Variants in FOXN3 observed in about 807,000 individuals in gnomAD.
The protein encoded by FOXN3 is forkhead box N3, also known as forkhead box protein N3.
Under a neutral mutation model 38.4 loss-of-function variants are expected in FOXN3, and 7 were observed. The observed-to-expected ratio is 0.18, with a 90% CI of 0.10 to 0.34. FOXN3 has a LOEUF of 0.34. Among genes scored for constraint, FOXN3 ranks in the 10% least tolerant of loss-of-function variants. FOXN3 has a pLI of 1.00. For missense variants in FOXN3, 456 were observed against 613.4 expected (o/e 0.74, Z 2.71); for synonymous variants, 230 against 242.2 (o/e 0.95, Z 0.47).
At chr14:89,418,321 T>C (rs1452693876), upstream of FOXN3, among the ~76,000 whole-genome samples, 1 of 151,462 alleles carries the variant, frequency 6.6e-6, no homozygotes, top group Non-Finnish European at 1.5e-5. Context: ...GAAAGCTTTC[T>C]AGCATGCAGT....
intron 3 of FOXN3, among the ~76,000 whole-genome samples, chr14:89,299,657 A>G (rs1196620204): frequency 6.6e-6 from 1 of 152,196 alleles, no homozygotes; most frequent in African/African-American, 2.4e-5. Flanking sequence ...TACACCTCCC[A>G]CTTTGGCCGT....
chr14:89,415,756 T>C (rs1342237559), intron 1 of FOXN3, among the ~76,000 whole-genome samples: 1 of 151,524 alleles, frequency 6.6e-6, no homozygotes, highest in Admixed American at 6.6e-5. Context: ...TGAGTTGCAG[T>C]TAAGCAAACA....
intron 1 of FOXN3, among the ~76,000 whole-genome samples, chr14:89,536,903 C>A (rs1260235708): frequency 1.3e-5 from 2 of 152,204 alleles, no homozygotes; most frequent in African/African-American, 4.8e-5. Flanking sequence ...GCCCCCATCA[C>A]CGGGAAATTA....
chr14:89,571,698 C>T (rs1895493694), intron 1 of FOXN3, among the ~76,000 whole-genome samples: 1 of 152,200 alleles, frequency 6.6e-6, no homozygotes, highest in Non-Finnish European at 1.5e-5. Context: ...ATGAGTGTGG[C>T]TCTGTGCCAA....
chr14:89,197,333 C>T (rs935693815), intron 4 of FOXN3, among the ~76,000 whole-genome samples: 2 of 151,902 alleles, frequency 1.3e-5, no homozygotes, highest in Non-Finnish European at 1.5e-5. Context: ...ATGGTGAAAC[C>T]CCACCTCTAC....
intron 1 of FOXN3, among the ~76,000 whole-genome samples, chr14:89,605,826 A>C (rs911346042): frequency 6.6e-6 from 1 of 152,198 alleles, no homozygotes; most frequent in African/African-American, 2.4e-5. Context: ...AACAGAAATT[A>C]AAAAGAGGCT....
At chr14:89,511,235 TC>T (rs368653787) in intron 1 of FOXN3, among the ~76,000 whole-genome samples, 3,309 of 24,520 alleles carry the variant, frequency 0.13, 934 homozygotes, top group African/African-American at 0.25. Flanking sequence ...TTCTTTTCTT[TC>T]CTTTTCTTTC....
At chr14:89,568,317 G>A (rs1167544996) in intron 1 of FOXN3, among the ~76,000 whole-genome samples, 1 of 152,136 alleles carries the variant, frequency 6.6e-6, no homozygotes, top group Non-Finnish European at 1.5e-5. Context: ...CAGAAGGGAT[G>A]CTCTGAATAG....
At chr14:89,231,374 C>G (rs1370869061) in intron 4 of FOXN3, among the ~76,000 whole-genome samples, 1 of 152,188 alleles carries the variant, frequency 6.6e-6, no homozygotes, top group Non-Finnish European at 1.5e-5. Flanking sequence ...ACTAGCTGGC[C>G]TGTTGGCCAC....
At chr14:89,410,873 C>CA (rs140339817) in intron 2 of FOXN3, among the ~76,000 whole-genome samples, 2,974 of 135,784 alleles carry the variant, frequency 0.022, 125 homozygotes, top group African/African-American at 0.077. Context: ...ACCCTGGTCC[C>CA]AAAAAAAAAG....
At chr14:89,384,538 A>C (rs1008163154) in intron 2 of FOXN3, among the ~76,000 whole-genome samples, 1 of 152,216 alleles carries the variant, frequency 6.6e-6, no homozygotes, top group Non-Finnish European at 1.5e-5. Flanking sequence ...ATCCACTTGG[A>C]AAACTGTTTT....
intron 1 of FOXN3, among the ~76,000 whole-genome samples, chr14:89,554,494 T>C (rs1392416433): frequency 6.6e-6 from 1 of 152,200 alleles, no homozygotes; most frequent in Non-Finnish European, 1.5e-5. Context: ...GTTATATTTG[T>C]TGTTGTTCAC....
intron 1 of FOXN3, among the ~76,000 whole-genome samples, chr14:89,545,188 C>T (rs560438685): frequency 6.6e-6 from 1 of 152,240 alleles, no homozygotes; most frequent in Non-Finnish European, 1.5e-5. Context: ...CTTTGAGAAA[C>T]ACATGCTTGA....
chr14:89,558,609 C>G (rs1336374215), intron 1 of FOXN3, among the ~76,000 whole-genome samples: 1 of 152,214 alleles, frequency 6.6e-6, no homozygotes, highest in African/African-American at 2.4e-5. Context: ...CAAGACTGGA[C>G]TAGGTGATGA....
chr14:89,291,471 C>A, intron 3 of FOXN3: 1 of 605,844 alleles, frequency 1.7e-6, no homozygotes. Context: ...GAGGGTGCCA[C>A]ACCTCCACAG....
chr14:89,480,391 A>G (rs2139759274), intron 1 of FOXN3, among the ~76,000 whole-genome samples: 1 of 146,374 alleles, frequency 6.8e-6, no homozygotes, highest in East Asian at 2.1e-4. Flanking sequence ...CAAGAAGAGC[A>G]AAACTCTATC....
chr14:89,324,140 A>C (rs1566956409), intron 3 of FOXN3, among the ~76,000 whole-genome samples: 1 of 152,186 alleles, frequency 6.6e-6, no homozygotes. Context: ...ATATAGTCCA[A>C]TTCCCAGCTT....
At chr14:89,269,899 C>T (rs959235323) in intron 4 of FOXN3, among the ~76,000 whole-genome samples, 4 of 152,202 alleles carry the variant, frequency 2.6e-5, no homozygotes, top group Non-Finnish European at 4.4e-5. Flanking sequence ...TAAATATCCC[C>T]GAGCCTTGTC....
chr14:89,465,059 C>CTTTTTGCTCAGGACT, intron 1 of FOXN3, among the ~76,000 whole-genome samples: 2 of 152,208 alleles, frequency 1.3e-5, no homozygotes, highest in South Asian at 4.1e-4. Context: ...TTATAAGGGC[C>CTTTTTGCTCAGGACT]TTTTTGCTCA....
Sources: allele counts gnomAD v4.1 joint callset (sites outside exome capture counted in the v4.1 genomes callset), GRCh38; gene constraint gnomAD v4.1.1; transcripts MANE v1.5; gene names NCBI Gene and HGNC (gene_info 2026-07-23, HGNC 2026-07-21).